Variants in TRIM2 observed in about 807,000 individuals in gnomAD.
The protein encoded by TRIM2 is tripartite motif containing 2.
A neutral mutation model predicts 75.2 loss-of-function variants in TRIM2; 20 were observed. The observed-to-expected ratio is 0.27, with a 90% CI of 0.19 to 0.39. The LOEUF is 0.39. Among genes scored for constraint, TRIM2 ranks in the 10% least tolerant of loss-of-function variants. The probability of loss-of-function intolerance (pLI) is 1.00; values close to 1 mark genes in which losing one functional copy is unlikely to be tolerated. For synonymous variants in TRIM2, 373 were observed against 388.3 expected (o/e 0.96, Z 0.46); for missense variants, 660 against 990.8 (o/e 0.67, Z 4.48).
intron 2 of TRIM2, 149 bp downstream of exon 2, chr4:153,270,668 G>T: frequency 1.5e-6 from 1 of 687,392 alleles, no homozygotes; most frequent in Non-Finnish European, 2.3e-6. Context: ...AGAATCATGA[G>T]TTGCAAATAA....
At chr4:153,152,174 T>G (rs539716065), upstream of TRIM2, among the ~76,000 whole-genome samples, 1 of 152,186 alleles carries the variant, frequency 6.6e-6, no homozygotes, top group Admixed American at 6.5e-5. Flanking sequence ...TTCATGGACA[T>G]TCTTCTTAGA....
rs1316585352 is a variant in TRIM2 at position 153,270,617 on chromosome 4, A to G, written c.215+98A>G. On this transcript the variant is annotated intron_variant, in intron 2 of 11. Coordinates refer to ENST00000338700, the MANE Select transcript of TRIM2 (RefSeq NM_015271.5). ...CCAGAATTCTACAGTTACCTTTGAG[A>G]GAAAACTAATCTCTTGTGCTTCTGC... 4 of 1,079,220 alleles carry G rather than the reference A, an allele frequency of 3.7e-6. No homozygotes were observed. In the African/African-American group the frequency reaches 6.4e-5, roughly 17 times the overall value. 66.9% of individuals were successfully genotyped at this position (1,079,220 alleles called of 1,614,324 possible).
intron 1 of TRIM2, among the ~76,000 whole-genome samples, chr4:153,214,188 A>AAAG (rs1737850160): frequency 6.6e-6 from 1 of 152,214 alleles, no homozygotes; most frequent in African/African-American, 2.4e-5. Context: ...CTTTTCAATA[A>AAAG]CACTGATTGA....
At chr4:153,207,268 G>A (rs1735732370) in intron 1 of TRIM2, among the ~76,000 whole-genome samples, 1 of 152,156 alleles carries the variant, frequency 6.6e-6, no homozygotes, top group Non-Finnish European at 1.5e-5. Context: ...AGCCACACTG[G>A]TAGGCCTATG....
chr4:153,188,648 G>T (rs1356503965), intron 1 of TRIM2, among the ~76,000 whole-genome samples: 1 of 151,992 alleles, frequency 6.6e-6, no homozygotes, highest in Non-Finnish European at 1.5e-5. Context: ...AGGGATGAGG[G>T]GCTGGCACAG....
At chr4:153,153,701 G>A (rs1258687827) in intron 1 of TRIM2, among the ~76,000 whole-genome samples, 1 of 152,208 alleles carries the variant, frequency 6.6e-6, no homozygotes, top group Non-Finnish European at 1.5e-5. Flanking sequence ...TGTGCGCTGC[G>A]CAGTGGCGGC....
intron 1 of TRIM2, among the ~76,000 whole-genome samples, chr4:153,246,723 C>G (rs62323707): frequency 0.086 from 13,137 of 152,140 alleles, 784 homozygotes; most frequent in South Asian, 0.24. Context: ...AGTCAGGGTG[C>G]CTAGCATTGG....
chr4:153,191,134 A>G (rs1345685419), intron 1 of TRIM2, among the ~76,000 whole-genome samples: 2 of 152,140 alleles, frequency 1.3e-5, no homozygotes, highest in Non-Finnish European at 1.5e-5. Flanking sequence ...ACTTGGCAGG[A>G]ATACAGATGA....
At chr4:153,259,370 A>G (rs960060543) in intron 1 of TRIM2, among the ~76,000 whole-genome samples, 1 of 152,176 alleles carries the variant, frequency 6.6e-6, no homozygotes, top group African/African-American at 2.4e-5. Flanking sequence ...TAATTTCTCC[A>G]TACTTAGGGC....
chr4:153,216,487 G>A (rs1411094307), intron 1 of TRIM2, among the ~76,000 whole-genome samples: 1 of 152,148 alleles, frequency 6.6e-6, no homozygotes, highest in East Asian at 1.9e-4. Context: ...CTCCTGCAGA[G>A]GGTTTAAAGG....
chr4:153,261,502 C>T (rs1753584344), intron 1 of TRIM2, among the ~76,000 whole-genome samples: 1 of 152,084 alleles, frequency 6.6e-6, no homozygotes, highest in Non-Finnish European at 1.5e-5. Flanking sequence ...GCAGGAATGC[C>T]ATAAAATTAG....
intron 1 of TRIM2, among the ~76,000 whole-genome samples, chr4:153,226,185 G>A (rs1742082409): frequency 6.6e-6 from 1 of 152,084 alleles, no homozygotes. Context: ...TCCTGCCTTT[G>A]AATCTCATCT....
intron 2 of TRIM2, among the ~76,000 whole-genome samples, chr4:153,272,038 T>C (rs771581095): frequency 2.6e-5 from 4 of 152,190 alleles, no homozygotes; most frequent in Non-Finnish European, 5.9e-5. Flanking sequence ...CCCCACCCAA[T>C]AGCTGGTGGT....
At chr4:153,181,975 C>G (rs1436136908) in intron 1 of TRIM2, among the ~76,000 whole-genome samples, 2 of 152,164 alleles carry the variant, frequency 1.3e-5, no homozygotes, top group Non-Finnish European at 2.9e-5. Context: ...TGACTGGGTC[C>G]TAATGAACAG....
chr4:153,202,969 G>A (rs921023276), upstream of TRIM2, among the ~76,000 whole-genome samples: 1 of 151,692 alleles, frequency 6.6e-6, no homozygotes, highest in African/African-American at 2.4e-5. Context: ...GCTGGTCGTG[G>A]TGGTGCGCAT....
chr4:153,156,706 T>G (rs1205670608), intron 1 of TRIM2: 2 of 152,290 alleles, frequency 1.3e-5, no homozygotes, highest in African/African-American at 2.4e-5. Flanking sequence ...CTCTTGAATT[T>G]CCCTCTAGCC....
intron 1 of TRIM2, among the ~76,000 whole-genome samples, chr4:153,217,351 G>T (rs964646289): frequency 1.3e-5 from 2 of 152,006 alleles, no homozygotes; most frequent in Non-Finnish European, 2.9e-5. Context: ...CTCATCCATG[G>T]GTACCAGTTG....
intron 1 of TRIM2, among the ~76,000 whole-genome samples, chr4:153,233,246 G>A (rs1243279757): frequency 1.3e-5 from 2 of 152,122 alleles, no homozygotes; most frequent in Non-Finnish European, 2.9e-5. Context: ...GAAGAGGGAC[G>A]ACTGGGAGAA....
intron 1 of TRIM2, among the ~76,000 whole-genome samples, chr4:153,232,356 G>C (rs1463772098): frequency 6.6e-6 from 1 of 152,100 alleles, no homozygotes; most frequent in Non-Finnish European, 1.5e-5. Context: ...AAAATTAGCT[G>C]GTCGTGGTGG....
Sources: gnomAD v4.1 joint callset for allele counts (sites outside exome capture counted in the v4.1 genomes callset) on GRCh38, gnomAD v4.1.1 for gene constraint, MANE v1.5 for transcripts, NCBI Gene and HGNC (gene_info 2026-07-23, HGNC 2026-07-21) for gene names.